LMF1: variants seen among roughly 807,000 people sequenced by gnomAD.
LMF1 encodes the protein lipase maturation factor 1.
In LMF1, 68 loss-of-function variants were observed where a neutral mutation model predicts 60.6. The observed-to-expected ratio is 1.12, with a 90% CI of 0.92 to 1.37. The LOEUF (loss-of-function observed/expected upper bound fraction) is 1.37. LMF1 is among the 40% of genes most tolerant of loss of function. The pLI, the probability that LMF1 is intolerant of heterozygous loss-of-function variation, is 0.00. For synonymous variants in LMF1, 418 were observed against 324.7 expected (o/e 1.29, Z -3.09); for missense variants, 948 against 767.2 (o/e 1.24, Z -2.78).
intron 1 of LMF1, among the ~76,000 whole-genome samples, chr16:957,860 G>C (rs971429056): frequency 6.6e-6 from 1 of 152,092 alleles, no homozygotes; most frequent in Non-Finnish European, 1.5e-5. Flanking sequence ...GAGCAGCCTT[G>C]GGCCGGGCGT....
intron 1 of LMF1, chr16:979,073 G>C (rs2073259624): frequency 2.2e-6 from 1 of 454,050 alleles, no homozygotes; most frequent in Non-Finnish European, 4.4e-6. Context: ...GGCAGGAGCT[G>C]TGAGGGTGGC....
Position 910,913 on chromosome 16 carries a change from C to T in LMF1, c.663+18G>A. 6.2e-7 allele frequency: 1 copy of T among 1,612,138 alleles called. No homozygotes were observed. The stretch of plus-strand genomic sequence containing the variant: ...CCACCGTTATTCCCCAAACACCACG[C>T]AGAAGAGCTCCACTTACTGCTCCAA... On this transcript the variant is annotated intron_variant, in intron 4 of 10. Transcript: ENST00000262301.
At chr16:971,068 T>G (rs1487944195), upstream of LMF1, 2 of 1,291,900 alleles carry the variant, frequency 1.5e-6, no homozygotes, top group Non-Finnish European at 1.0e-6. Flanking sequence ...TGGCCGGCCC[T>G]GCCCACGGCC....
At chr16:903,762 C>T (rs2070887047) in intron 4 of LMF1, 1 of 104,912 alleles carries the variant, frequency 9.5e-6, no homozygotes, top group African/African-American at 5.3e-5. Flanking sequence ...GTGGGGACGC[C>T]TGTCTCTGCT....
intron 2 of LMF1, among the ~76,000 whole-genome samples, chr16:935,048 A>G (rs189695462): frequency 8.5e-4 from 130 of 152,210 alleles, no homozygotes; most frequent in African/African-American, 3.0e-3. Flanking sequence ...TGTACGGAAC[A>G]GGCCGGTCCA....
chr16:979,050 C>G (rs771887047), intron 1 of LMF1: 17 of 453,888 alleles, frequency 3.7e-5, no homozygotes, highest in South Asian at 2.6e-4. Flanking sequence ...CTCCACAAGG[C>G]CAGCGTCTGC....
At chr16:866,883 G>A (rs890551036) in intron 10 of LMF1, among the ~76,000 whole-genome samples, 9 of 152,306 alleles carry the variant, frequency 5.9e-5, no homozygotes, top group Middle Eastern at 3.4e-3. Flanking sequence ...AAGCCTAGGC[G>A]ATCACCACCA....
chr16:862,945 C>T (rs1198123623), intron 10 of LMF1, among the ~76,000 whole-genome samples: 6 of 152,142 alleles, frequency 3.9e-5, no homozygotes, highest in African/African-American at 1.4e-4. Context: ...TAGAATTCTC[C>T]AGTGAAACCA....
At chr16:893,540 G>A (rs115015862) in intron 4 of LMF1, among the ~76,000 whole-genome samples, 1,722 of 152,234 alleles carry the variant, frequency 0.011, 34 homozygotes, top group African/African-American at 0.039. Flanking sequence ...GAGCCGAGGC[G>A]CAGGCCCCGT....
At position 859,995 on chromosome 16, in the gene LMF1, GT is replaced by G. The variant is rs557517690; in HGVS notation, c.1530-5290del. Among the ~76,000 whole-genome samples, 1,212 of 151,718 alleles carry G rather than the reference GT, an allele frequency of 8.0e-3. 75 individuals are homozygous for G. The highest frequency in any genetic ancestry group is 0.028 in the African/African-American group (1,168 of 41,024). On this transcript the variant is annotated intron_variant, in intron 10 of 10. Coordinates refer to ENST00000262301, the MANE Select transcript of LMF1 (RefSeq NM_022773.4). ...ATGGGTGTGCAGTGGTGTTATGGTG[GT>G]TTTTGCTTCTCTAATGACAGGCATT... is the stretch of plus-strand genomic sequence containing the variant.
At chr16:938,197 C>T (rs9937307) in intron 2 of LMF1, among the ~76,000 whole-genome samples, 72,462 of 152,120 alleles carry the variant, frequency 0.48, 18,903 homozygotes, top group African/African-American at 0.69. Context: ...CTGGCAAGGC[C>T]GGGACGCTGG....
intron 4 of LMF1, chr16:898,891 A>G (rs1041869181): frequency 6.6e-6 from 1 of 152,214 alleles, no homozygotes; most frequent in African/African-American, 2.4e-5. Context: ...CGTGCACTTC[A>G]ATAGAAACCT....
chr16:954,059 A>ACCC (rs1567312799), intron 2 of LMF1, among the ~76,000 whole-genome samples: 4 of 140,704 alleles, frequency 2.8e-5, no homozygotes, highest in Admixed American at 2.1e-4. Context: ...CCACACAGAC[A>ACCC]CAGACCCACT....
chr16:929,489 G>A (rs1162509908), intron 3 of LMF1, among the ~76,000 whole-genome samples: 2 of 152,210 alleles, frequency 1.3e-5, no homozygotes, highest in African/African-American at 2.4e-5. Context: ...GCAGCCCCAC[G>A]GAGCCCTGCC....
In LMF1 at chr16:909,914, G is replaced by T. The variant is rs951990916; in HGVS notation, c.663+1017C>A. On this transcript the variant is annotated intron_variant, in intron 4 of 10. Transcript: ENST00000262301. ...CCTGGCGTGAGCGCGCTGTCGGGTG[G>T]GGCAGGCACAAGTTCCTTGGGGCAG... Among the ~76,000 whole-genome samples, 69 of 152,276 alleles carry T rather than the reference G, an allele frequency of 4.5e-4. 1 individual carries two copies. Among genetic ancestry groups the T allele is most frequent in the African/African-American group, 1.5e-3 (63 of 41,476 alleles).
chr16:922,033 A>G (rs2071445841), intron 3 of LMF1, among the ~76,000 whole-genome samples: 2 of 152,114 alleles, frequency 1.3e-5, no homozygotes, highest in Non-Finnish European at 1.5e-5. Flanking sequence ...CCCACAGCTG[A>G]GGAGTAAGGG....
chr16:880,573 G>C (rs1472391356), intron 5 of LMF1, among the ~76,000 whole-genome samples: 1 of 152,236 alleles, frequency 6.6e-6, no homozygotes, highest in African/African-American at 2.4e-5. Flanking sequence ...AGGAGGCTGA[G>C]TCAGGAGGAT....
intron 4 of LMF1, among the ~76,000 whole-genome samples, chr16:905,541 G>A (rs1488935738): frequency 1.3e-5 from 2 of 152,220 alleles, no homozygotes; most frequent in Non-Finnish European, 2.9e-5. Context: ...TTCAAGTGCC[G>A]TGAGAGCCAT....
intron 10 of LMF1, 74 bp from the exon 11 acceptor site, chr16:854,780 T>TGAG: frequency 2.2e-6 from 3 of 1,350,756 alleles, no homozygotes; most frequent in Non-Finnish European, 3.1e-6. Flanking sequence ...AGCCTGCTGC[T>TGAG]GAGCTGCAGC....
Sources: allele counts gnomAD v4.1 joint callset (sites outside exome capture counted in the v4.1 genomes callset), GRCh38; gene constraint gnomAD v4.1.1; transcripts MANE v1.5; gene names NCBI Gene and HGNC (gene_info 2026-07-23, HGNC 2026-07-21).